KLF8: variants seen among roughly 807,000 people sequenced by gnomAD.
KLF8 encodes the protein KLF transcription factor 8.
In KLF8, 10 loss-of-function variants were observed where a neutral mutation model predicts 18.2. The observed-to-expected ratio is 0.55, with a 90% CI of 0.34 to 0.93. KLF8 has a LOEUF of 0.93. Ranked by LOEUF, KLF8 falls within the 40% of genes least tolerant of loss-of-function variation. The pLI, the probability that KLF8 is intolerant of heterozygous loss-of-function variation, is 0.02. For missense variants in KLF8, 264 were observed against 277.9 expected (o/e 0.95, Z 0.36); for synonymous variants, 109 against 97.3 (o/e 1.12, Z -0.71).
chrX:56,097,758 T>G, the KLF8 span, among the ~76,000 whole-genome samples: 9 of 98,793 alleles, frequency 9.1e-5, no homozygotes, highest in Admixed American at 1.0e-3. Context: ...CAATCACTCT[T>G]AATAAAAGCT....
chrX:56,103,226 A>G, the KLF8 span, among the ~76,000 whole-genome samples: 1 of 110,266 alleles, frequency 9.1e-6, no homozygotes, highest in African/African-American at 3.3e-5. Context: ...ACTTTAAAGT[A>G]GTTTTTTCCA....
At chrX:56,191,651 C>T in the KLF8 span, among the ~76,000 whole-genome samples, 1 of 111,531 alleles carries the variant, frequency 9.0e-6, no homozygotes, top group African/African-American at 3.2e-5. Flanking sequence ...TCAGAACATG[C>T]AAATTAATCA....
chrX:56,272,411 A>G (rs1331233585), intron 5 of KLF8, among the ~76,000 whole-genome samples: 1 of 111,234 alleles, frequency 9.0e-6, no homozygotes, highest in East Asian at 2.8e-4. Context: ...GGGTTCCACC[A>G]TGTTGGCCAG....
the KLF8 span, among the ~76,000 whole-genome samples, chrX:55,935,155 G>A: frequency 3.6e-5 from 4 of 112,543 alleles, no homozygotes; most frequent in African/African-American, 6.4e-5. Context: ...GCTGGTGAAT[G>A]TGTAGGGAAC....
chrX:55,997,156 C>G, the KLF8 span, among the ~76,000 whole-genome samples: 1 of 111,806 alleles, frequency 8.9e-6, no homozygotes, highest in South Asian at 3.8e-4. Context: ...CTGGGGGAGG[C>G]TGATATACAG....
At chrX:56,221,410 T>C in the KLF8 span, among the ~76,000 whole-genome samples, 1 of 112,220 alleles carries the variant, frequency 8.9e-6, no homozygotes, top group African/African-American at 3.2e-5. Flanking sequence ...CTAGGGTTCA[T>C]TTCTGAGGAT....
At chrX:56,085,428 G>T in the KLF8 span, among the ~76,000 whole-genome samples, 1 of 112,005 alleles carries the variant, frequency 8.9e-6, no homozygotes, top group Non-Finnish European at 1.9e-5. Context: ...AACCAGTAGC[G>T]CCGAAGACAG....
the KLF8 span, among the ~76,000 whole-genome samples, chrX:56,117,825 T>C: frequency 8.9e-6 from 1 of 112,014 alleles, no homozygotes; most frequent in Non-Finnish European, 1.9e-5. Context: ...ACCTCTGTTT[T>C]AGTCCATTGA....
chrX:56,004,272 C>G, the KLF8 span, among the ~76,000 whole-genome samples: 3 of 112,235 alleles, frequency 2.7e-5, no homozygotes, highest in South Asian at 7.4e-4. Flanking sequence ...GGTACCTGTT[C>G]AACAGATGTT....
At chrX:56,059,682 C>G in the KLF8 span, among the ~76,000 whole-genome samples, 2 of 111,336 alleles carry the variant, frequency 1.8e-5, no homozygotes, top group African/African-American at 3.3e-5. Flanking sequence ...GGCATTATAT[C>G]TGAGGCCTCT....
At chrX:55,920,849 G>C in the KLF8 span, among the ~76,000 whole-genome samples, 1 of 112,165 alleles carries the variant, frequency 8.9e-6, no homozygotes, top group Non-Finnish European at 1.9e-5. Context: ...AAACATATTT[G>C]AGGGAATAAT....
chrX:55,998,328 G>A, the KLF8 span, among the ~76,000 whole-genome samples: 3 of 111,153 alleles, frequency 2.7e-5, no homozygotes, highest in African/African-American at 9.8e-5. Context: ...TACGGGTGTC[G>A]GGCTGGGGGA....
At chrX:56,168,562 C>A in the KLF8 span, among the ~76,000 whole-genome samples, 15,356 of 110,802 alleles carry the variant, frequency 0.14, 1,129 homozygotes, top group Non-Finnish European at 0.21. Flanking sequence ...GGTTTGTTAC[C>A]TATGTATACA....
At chrX:56,047,285 CT>C in the KLF8 span, among the ~76,000 whole-genome samples, 6 of 108,688 alleles carry the variant, frequency 5.5e-5, no homozygotes, top group African/African-American at 1.7e-4. Context: ...TATTATTATA[CT>C]TTAAGTTTTA....
intron 2 of KLF8, among the ~76,000 whole-genome samples, chrX:56,263,931 A>T (rs2066921662): frequency 8.9e-6 from 1 of 112,106 alleles, no homozygotes; most frequent in Admixed American, 9.5e-5. Context: ...CCAACCTTTC[A>T]TTGAACTCTA....
intron 1 of KLF8, among the ~76,000 whole-genome samples, chrX:56,234,657 T>C (rs1035105947): frequency 3.5e-5 from 4 of 112,734 alleles, no homozygotes; most frequent in African/African-American, 1.3e-4. Flanking sequence ...AAGAAAGGGC[T>C]ACTAGCCTGC....
At chrX:56,019,653 A>T in the KLF8 span, among the ~76,000 whole-genome samples, 1 of 112,118 alleles carries the variant, frequency 8.9e-6, no homozygotes, top group East Asian at 2.8e-4. Flanking sequence ...ATGTGGTAAG[A>T]TAAAGTCCTG....
At chrX:56,208,087 C>A in the KLF8 span, among the ~76,000 whole-genome samples, 2 of 110,841 alleles carry the variant, frequency 1.8e-5, no homozygotes, top group Non-Finnish European at 3.8e-5. Context: ...GAAACTGGCC[C>A]CATGATTCAA....
In KLF8 at chrX:56,264,130, G is replaced by C. The variant is rs1203459721; in HGVS notation, c.82-1050G>C. 5.4e-5 allele frequency among the ~76,000 whole-genome samples: 6 copies of C among 111,646 alleles called. No individual in the cohort carries two copies. In the East Asian group the frequency reaches 1.7e-3, roughly 31 times the overall value. On this transcript the variant is annotated intron_variant, in intron 2 of 5. Coordinates refer to ENST00000468660, the MANE Select transcript of KLF8 (RefSeq NM_007250.5). ...TCTCCAAAATCATCTTCAAGATCCAGAGTGTTGCTTGGCAGTGGCATACAC... is the reference window on the plus strand; with the variant it reads ...TCTCCAAAATCATCTTCAAGATCCACAGTGTTGCTTGGCAGTGGCATACAC...
Sources: gnomAD v4.1 joint callset for allele counts (sites outside exome capture counted in the v4.1 genomes callset) on GRCh38, gnomAD v4.1.1 for gene constraint, MANE v1.5 for transcripts, NCBI Gene and HGNC (gene_info 2026-07-23, HGNC 2026-07-21) for gene names.